The following FGF14 variants were observed in gnomAD, a reference collection of about 807,000 sequenced individuals.
FGF14 encodes fibroblast growth factor 14, also known as fibroblast growth factor homologous factor 4.
Under a neutral mutation model 25.5 loss-of-function variants are expected in FGF14, and 5 were observed. The ratio of observed to expected loss-of-function variants is 0.20; its 90% CI spans 0.10 to 0.41. FGF14 has a LOEUF of 0.41. Ranked by LOEUF, FGF14 falls within the 10% of genes least tolerant of loss-of-function variation. The pLI, the probability that FGF14 is intolerant of heterozygous loss-of-function variation, is 1.00. For missense variants in FGF14, 222 were observed against 320.1 expected (o/e 0.69, Z 2.34); for synonymous variants, 138 against 118.3 (o/e 1.17, Z -1.08).
At chr13:101,877,637 C>A (rs1268193741) in intron 1 of FGF14, among the ~76,000 whole-genome samples, 1 of 152,146 alleles carries the variant, frequency 6.6e-6, no homozygotes, top group African/African-American at 2.4e-5. Context: ...CAAATCAAAT[C>A]TCTTTAAAAA....
intron 1 of FGF14, among the ~76,000 whole-genome samples, chr13:101,879,707 G>T (rs1341591724): frequency 6.6e-6 from 1 of 151,954 alleles, no homozygotes; most frequent in South Asian, 2.1e-4. Flanking sequence ...GTACTAATTG[G>T]TTATCAGTAT....
At chr13:101,858,269 G>C (rs764558996) in intron 3 of FGF14, among the ~76,000 whole-genome samples, 1 of 150,486 alleles carries the variant, frequency 6.6e-6, no homozygotes, top group Non-Finnish European at 1.5e-5. Flanking sequence ...TTGGATAGAT[G>C]GTATATTGAG....
chr13:102,238,087 G>C (rs1002611406), intron 1 of FGF14, among the ~76,000 whole-genome samples: 2 of 152,202 alleles, frequency 1.3e-5, no homozygotes, highest in South Asian at 2.1e-4. Flanking sequence ...CATTGAATTT[G>C]TGTCTTAATT....
At chr13:101,963,454 C>T (rs1395969212) in intron 1 of FGF14, among the ~76,000 whole-genome samples, 1 of 152,156 alleles carries the variant, frequency 6.6e-6, no homozygotes, top group Non-Finnish European at 1.5e-5. Context: ...CACTCATTCA[C>T]CCTTTTTTCC....
chr13:102,211,154 T>G (rs1431457153), intron 1 of FGF14, among the ~76,000 whole-genome samples: 1 of 152,090 alleles, frequency 6.6e-6, no homozygotes, highest in Non-Finnish European at 1.5e-5. Context: ...AACATAAAAA[T>G]CACTCATTAT....
intron 1 of FGF14, among the ~76,000 whole-genome samples, chr13:102,008,364 AT>A (rs1366294840): frequency 6.6e-6 from 1 of 152,268 alleles, no homozygotes; most frequent in East Asian, 1.9e-4. Context: ...ATTAAAAGTC[AT>A]TTCTGTTGAC....
At chr13:102,097,909 T>C (rs2044476847) in intron 1 of FGF14, among the ~76,000 whole-genome samples, 1 of 152,200 alleles carries the variant, frequency 6.6e-6, no homozygotes, top group Non-Finnish European at 1.5e-5. Context: ...CTAAGAGCCC[T>C]GCTCCCATTC....
chr13:102,036,971 C>A lies in FGF14; in HGVS notation c.209-161675G>T, dbSNP rs541707866. ...CTGAAAATGGTCAGAGCAAAATACA[C>A]AGGGAGCATATTTTCAGAGTGGCAT... is the stretch of plus-strand genomic sequence containing the variant. On this transcript the variant is annotated intron_variant, in intron 1 of 4. Coordinates refer to the FGF14 transcript ENST00000376131. 1.1e-4 allele frequency among the ~76,000 whole-genome samples: 17 copies of A among 152,238 alleles called. No individual in the cohort carries two copies. In the South Asian group the frequency reaches 3.5e-3, roughly 32 times the overall value.
At chr13:102,268,126 C>T (rs2053079404) in intron 1 of FGF14, among the ~76,000 whole-genome samples, 1 of 152,020 alleles carries the variant, frequency 6.6e-6, no homozygotes, top group Non-Finnish European at 1.5e-5. Flanking sequence ...TAGTGAAAAA[C>T]ATCCTTAAGG....
chr13:102,109,503 C>T (rs540131131), intron 1 of FGF14, among the ~76,000 whole-genome samples: 2 of 152,176 alleles, frequency 1.3e-5, no homozygotes, highest in South Asian at 4.2e-4. Context: ...TATATCAAAA[C>T]ACCATGTTGT....
chr13:101,986,445 AG>A (rs534362844), intron 1 of FGF14, among the ~76,000 whole-genome samples: 64 of 152,238 alleles, frequency 4.2e-4, no homozygotes, highest in African/African-American at 1.5e-3. Context: ...TAACATTTCA[AG>A]TCAGCGTATC....
chr13:102,160,098 C>T (rs891714987), intron 1 of FGF14, among the ~76,000 whole-genome samples: 2 of 152,166 alleles, frequency 1.3e-5, no homozygotes, highest in African/African-American at 4.8e-5. Context: ...CCATCTCACT[C>T]TCCTAGGCTC....
chr13:102,391,302 C>T lies in FGF14; in HGVS notation c.208+10169G>A, dbSNP rs562854160. On this transcript the variant is annotated intron_variant, in intron 1 of 4. Coordinates refer to the FGF14 transcript ENST00000376131. Reference sequence around the variant, plus strand: ...AAGCGGTCTGACAAAGCTGGGCGGACTTTATGGCTGCATATCAGACCACAT... The same window carrying T: ...AAGCGGTCTGACAAAGCTGGGCGGATTTTATGGCTGCATATCAGACCACAT... 7.2e-5 allele frequency among the ~76,000 whole-genome samples: 11 copies of T among 152,282 alleles called. No homozygotes were observed. The South Asian group carries it at 2.3e-3, about 32-fold the overall frequency.
chr13:101,779,104 T>C (rs1424738656), intron 3 of FGF14: 2 of 152,212 alleles, frequency 1.3e-5, no homozygotes, highest in Non-Finnish European at 2.9e-5. Context: ...GGATTTGTTA[T>C]GTTCTACCTC....
intron 3 of FGF14, among the ~76,000 whole-genome samples, chr13:101,734,096 T>C (rs905061037): frequency 1.3e-5 from 2 of 152,108 alleles, no homozygotes; most frequent in African/African-American, 4.8e-5. Context: ...AGCAACTTCA[T>C]CACCTGGAAG....
At chr13:102,126,197 C>T (rs983061787) in intron 1 of FGF14, among the ~76,000 whole-genome samples, 13 of 152,124 alleles carry the variant, frequency 8.5e-5, no homozygotes, top group South Asian at 2.1e-4. Flanking sequence ...CAGAAACTAC[C>T]GCACCCATTA....
intron 1 of FGF14, among the ~76,000 whole-genome samples, chr13:102,399,188 T>A (rs768810178): frequency 3.9e-5 from 6 of 152,032 alleles, no homozygotes; most frequent in Non-Finnish European, 7.4e-5. Flanking sequence ...TTGTGACTCG[T>A]GTATAGGGAG....
chr13:101,771,200 G>A (rs1440073013), intron 3 of FGF14, among the ~76,000 whole-genome samples: 1 of 152,100 alleles, frequency 6.6e-6, no homozygotes, highest in South Asian at 2.1e-4. Context: ...CCCCTACAGT[G>A]TTAGCTCCAC....
At chr13:101,954,490 G>A (rs1171719523) in intron 1 of FGF14, among the ~76,000 whole-genome samples, 1 of 152,210 alleles carries the variant, frequency 6.6e-6, no homozygotes, top group East Asian at 1.9e-4. Context: ...CTGCCCAATG[G>A]TCAGTATTGA....
Sources: gnomAD v4.1 joint callset for allele counts (sites outside exome capture counted in the v4.1 genomes callset) on GRCh38, gnomAD v4.1.1 for gene constraint, MANE v1.5 for transcripts, NCBI Gene and HGNC (gene_info 2026-07-23, HGNC 2026-07-21) for gene names.